The following CHSY1 variants were observed in gnomAD, a reference collection of about 807,000 sequenced individuals.
CHSY1 encodes N-acetylgalactosaminyl-proteoglycan 3-beta-glucuronosyltransferase 1.
CHSY1 carries 13 observed loss-of-function variants against 59.8 expected under a neutral mutation model. The observed-to-expected ratio is 0.22, with a 90% CI of 0.14 to 0.35. The LOEUF is 0.35. Among genes scored for constraint, CHSY1 ranks in the 10% least tolerant of loss-of-function variants. The pLI is 1.00. For synonymous variants in CHSY1, 459 were observed against 401.2 expected (o/e 1.14, Z -1.72); for missense variants, 947 against 1,030.6 (o/e 0.92, Z 1.11).
chr15:101,183,169 G>A (rs1240127352), intron 2 of CHSY1, among the ~76,000 whole-genome samples: 1 of 152,060 alleles, frequency 6.6e-6, no homozygotes, highest in Non-Finnish European at 1.5e-5. Context: ...GACAACAGGA[G>A]AGAAAAGTAT....
intron 2 of CHSY1, among the ~76,000 whole-genome samples, chr15:101,234,662 T>C (rs1352476417): frequency 6.6e-6 from 1 of 152,042 alleles, no homozygotes; most frequent in African/African-American, 2.4e-5. Flanking sequence ...AGGTCAAGAG[T>C]TCGAGACCAG....
intron 2 of CHSY1, chr15:101,189,557 TGCTG>T: frequency 1.4e-6 from 1 of 734,880 alleles, no homozygotes; most frequent in Non-Finnish European, 1.7e-6. Flanking sequence ...CTAACTGAAG[TGCTG>T]GCAACCAGTT....
intron 2 of CHSY1, among the ~76,000 whole-genome samples, chr15:101,180,251 G>A (rs1475528685): frequency 6.6e-6 from 1 of 152,212 alleles, no homozygotes; most frequent in Non-Finnish European, 1.5e-5. Context: ...ACAGAGCTGG[G>A]GTCTGATGAG....
rs769538877 is a variant in CHSY1, at chr15:101,177,428, C to A, written c.2369G>T (p.Ser790Ile). Reference protein sequence around the residue: ...MWLEKNDPSYSKSSNNNGSVR... With the variant: ...MWLEKNDPSYIKSSNNNGSVR... ...TGAGCCATTATTATTGCTGCTTTTA[C>A]TGTAACTTGGATCATTTTTTTCCAG... Residue 790 changes from serine (S) to isoleucine (I), a missense_variant, in exon 3 of 3, where the codon AGT becomes ATT. Ser to Ile is a moderately radical substitution (Grantham distance 142). This residue lies in a region of CHSY1 where 602 missense variants were observed against 676.9 expected (regional missense o/e 0.89). Transcript: ENST00000254190. 1 of 1,613,608 alleles carries A rather than the reference C, an allele frequency of 6.2e-7. No individual in the cohort carries two copies. The highest frequency in any genetic ancestry group is 8.5e-7 in the Non-Finnish European group (1 of 1,179,850).
At chr15:101,236,771 G>A (rs963485503) in intron 1 of CHSY1, among the ~76,000 whole-genome samples, 4 of 152,192 alleles carry the variant, frequency 2.6e-5, no homozygotes, top group Non-Finnish European at 5.9e-5. Context: ...CTTGCAGCGA[G>A]CCGAGATCGT....
Position 101,193,222 on chromosome 15 carries a change from A to G in CHSY1, c.817-14242T>C, listed in dbSNP as rs569981729. ...AATGCCTGTCCGGCAAGCAGGCAACAAACAAGGAGTGTGTCAGACGGGGAT... is the reference window on the plus strand; with the variant it reads ...AATGCCTGTCCGGCAAGCAGGCAACGAACAAGGAGTGTGTCAGACGGGGAT... On this transcript the variant is annotated intron_variant, in intron 2 of 2. Coordinates refer to ENST00000254190, the MANE Select transcript of CHSY1 (RefSeq NM_014918.5). 7.2e-5 allele frequency among the ~76,000 whole-genome samples: 11 copies of G among 152,356 alleles called. No homozygotes were observed. In the East Asian group the frequency reaches 9.6e-4, roughly 13 times the overall value.
chr15:101,200,104 C>A (rs756334204), intron 2 of CHSY1, among the ~76,000 whole-genome samples: 2 of 152,204 alleles, frequency 1.3e-5, no homozygotes, highest in Admixed American at 6.5e-5. Flanking sequence ...AAAATAAATA[C>A]CTCATTCCAA....
chr15:101,179,678 CG>C (rs901706275), intron 2 of CHSY1, among the ~76,000 whole-genome samples: 1 of 152,214 alleles, frequency 6.6e-6, no homozygotes, highest in Non-Finnish European at 1.5e-5. Context: ...TTGCTCAGCA[CG>C]GGGTCTCCGG....
chr15:101,230,630 AT>A (rs1339733901), intron 2 of CHSY1, among the ~76,000 whole-genome samples: 1 of 152,212 alleles, frequency 6.6e-6, no homozygotes, highest in East Asian at 1.9e-4. Context: ...GATGTTCAAC[AT>A]TCCTTTATGA....
chr15:101,177,932 T>C lies in CHSY1; in HGVS notation c.1865A>G (p.Asn622Ser), dbSNP rs1328484928. ...GCAGAAGAAGAGCAAAGATTCATTGTTAAACTGGGAGGATCCTACTTCCAG... is the reference window on the plus strand; with the variant it reads ...GCAGAAGAAGAGCAAAGATTCATTGCTAAACTGGGAGGATCCTACTTCCAG... ...LALEVGSSQF[N>S]NESLLFFCDV... The change falls in exon 3 of 3, where the codon AAC (asparagine) becomes AGC (serine). Residue 622 changes from asparagine to serine, a missense_variant. Physicochemically the swap from Asn to Ser is conservative, Grantham distance 46. This residue lies in a region of CHSY1 where 602 missense variants were observed against 676.9 expected (regional missense o/e 0.89). Coordinates refer to ENST00000254190, the MANE Select transcript of CHSY1 (RefSeq NM_014918.5). 7.4e-6 allele frequency: 12 copies of C among 1,614,096 alleles called. No homozygotes were observed. Among genetic ancestry groups the C allele is most frequent in the Non-Finnish European group, 1.0e-5 (12 of 1,180,030 alleles).
chr15:101,217,908 ACTC>A (rs2038750771), intron 2 of CHSY1, among the ~76,000 whole-genome samples: 6 of 152,152 alleles, frequency 3.9e-5, no homozygotes, highest in African/African-American at 1.4e-4. Context: ...GGAAAGGGTA[ACTC>A]TGCAGTGAAG....
intron 2 of CHSY1, among the ~76,000 whole-genome samples, chr15:101,195,395 A>C (rs2038493720): frequency 6.6e-6 from 1 of 152,254 alleles, no homozygotes; most frequent in Non-Finnish European, 1.5e-5. Flanking sequence ...ATTTCAACCA[A>C]AGAAAAAGAG....
chr15:101,194,944 C>T (rs887504270), intron 2 of CHSY1, among the ~76,000 whole-genome samples: 1 of 152,132 alleles, frequency 6.6e-6, no homozygotes, highest in East Asian at 1.9e-4. Flanking sequence ...GATTCCACAA[C>T]ATATGTCTTA....
chr15:101,230,345 A>T (rs1172229499), intron 2 of CHSY1, among the ~76,000 whole-genome samples: 1 of 152,186 alleles, frequency 6.6e-6, no homozygotes, highest in Admixed American at 6.5e-5. Flanking sequence ...GGGCAGCCTA[A>T]ATGAGTGAGG....
At position 101,177,598 on chromosome 15, in the gene CHSY1, C is replaced by T. The variant is rs779078994; in HGVS notation, c.2199G>A (p.Lys733=). Residue 733 remains lysine (K), a synonymous_variant, in exon 3 of 3, where the codon AAG becomes AAA. Transcript: ENST00000254190. ...LFNKVVQAGL[K]TFRSQEVGVV... ...CTCCTACTTCCTGGCTCCTAAACGT[C>T]TTCAAACCTGCCTGGACAACCTTGT... 26 of 1,614,196 alleles carry T rather than the reference C, an allele frequency of 1.6e-5. No individual in the cohort carries two copies. In the South Asian group the frequency reaches 2.7e-4, roughly 17 times the overall value.
intron 1 of CHSY1, among the ~76,000 whole-genome samples, chr15:101,237,222 TAAAAAAAAAAA>T (rs56731913): frequency 1.7e-5 from 1 of 57,358 alleles, no homozygotes; most frequent in Non-Finnish European, 3.5e-5. Context: ...AGACTCCATC[TAAAAAAAAAAA>T]AAAAAAAAAA....
At chr15:101,179,072 C>T in intron 2 of CHSY1, 92 bp from the exon 3 acceptor site, 1 of 1,255,236 alleles carries the variant, frequency 8.0e-7, no homozygotes, top group South Asian at 1.2e-5. Context: ...AGAAATGTTT[C>T]TGAATGGACC....
intron 2 of CHSY1, among the ~76,000 whole-genome samples, chr15:101,207,001 A>C (rs1372036731): frequency 1.3e-5 from 2 of 152,276 alleles, no homozygotes; most frequent in Non-Finnish European, 2.9e-5. Flanking sequence ...CTCGCGTGTC[A>C]GCACATTCCA....
At chr15:101,204,014 GT>G (rs1437760067) in intron 2 of CHSY1, among the ~76,000 whole-genome samples, 1 of 152,182 alleles carries the variant, frequency 6.6e-6, no homozygotes, top group Non-Finnish European at 1.5e-5. Flanking sequence ...CTGTATCAAC[GT>G]TAATTTCCCT....
Sources: gnomAD v4.1 joint callset for allele counts (sites outside exome capture counted in the v4.1 genomes callset) on GRCh38, gnomAD v4.1.1 for gene constraint, gnomAD v4.1.1 regional missense constraint, MANE v1.5 for transcripts, NCBI Gene and HGNC (gene_info 2026-07-23, HGNC 2026-07-21) for gene names.